ROBO1: variants seen among roughly 807,000 people sequenced by gnomAD.
The protein encoded by ROBO1 is roundabout homolog 1.
ROBO1 carries 149 observed loss-of-function variants against 195.9 expected under a neutral mutation model. That is an observed-to-expected ratio of 0.76 (90% CI 0.67 to 0.87). ROBO1 has a LOEUF of 0.87. ROBO1 is among the 40% of genes least tolerant of loss of function. The pLI is 0.00. For synonymous variants in ROBO1, 816 were observed against 733.2 expected (o/e 1.11, Z -1.82); for missense variants, 1,933 against 2,068.3 (o/e 0.93, Z 1.27).
rs890955881 is a variant in ROBO1, at chr3:78,810,381, CTGTA to C, written c.500-63485_500-63482del. On this transcript the variant is annotated intron_variant, in intron 4 of 30. Transcript: ENST00000464233. Reference sequence around the variant, plus strand: ...TTGGAATAGATACTGCACCAATTTGCTGTATGCATGGGAAAGTGAATGCCAGCAT... The same window carrying C: ...TTGGAATAGATACTGCACCAATTTGCTGCATGGGAAAGTGAATGCCAGCAT... Among the ~76,000 whole-genome samples the C allele has an allele frequency of 2.6e-4, 40 of 152,038 alleles. No individual in the cohort carries two copies. The Middle Eastern group carries it at 0.01, about 39-fold the overall frequency.
At chr3:79,611,085 C>G (rs928727565) in intron 1 of ROBO1, among the ~76,000 whole-genome samples, 1 of 151,952 alleles carries the variant, frequency 6.6e-6, no homozygotes, top group African/African-American at 2.4e-5. Context: ...GAGTCAAAGG[C>G]ACAAATTCTG....
chr3:79,359,933 T>C (rs528373008), intron 2 of ROBO1, among the ~76,000 whole-genome samples: 1 of 152,012 alleles, frequency 6.6e-6, no homozygotes, highest in African/African-American at 2.4e-5. Flanking sequence ...TTGGTGATAC[T>C]TGAACTAAAT....
intron 9 of ROBO1, among the ~76,000 whole-genome samples, chr3:78,686,206 C>G (rs572167023): frequency 6.6e-6 from 1 of 151,866 alleles, no homozygotes; most frequent in Non-Finnish European, 1.5e-5. Context: ...TTAAGTAACT[C>G]TCAAGATTGA....
At chr3:78,755,567 T>G (rs1199440495) in intron 4 of ROBO1, among the ~76,000 whole-genome samples, 3 of 152,194 alleles carry the variant, frequency 2.0e-5, no homozygotes, top group African/African-American at 7.2e-5. Context: ...TATACCATGA[T>G]TATGATACCA....
At chr3:78,663,768 C>G (rs1707572519) in intron 14 of ROBO1, among the ~76,000 whole-genome samples, 1 of 152,114 alleles carries the variant, frequency 6.6e-6, no homozygotes, top group Non-Finnish European at 1.5e-5. Flanking sequence ...AGCATAGTGC[C>G]ATATACATAG....
chr3:78,852,612 G>A (rs909824198), intron 4 of ROBO1, among the ~76,000 whole-genome samples: 2 of 152,090 alleles, frequency 1.3e-5, no homozygotes, highest in Non-Finnish European at 2.9e-5. Context: ...TGTTATTTTA[G>A]CAATGAGAAG....
chr3:79,671,718 A>G (rs1370282525), intron 1 of ROBO1, among the ~76,000 whole-genome samples: 1 of 151,896 alleles, frequency 6.6e-6, no homozygotes, highest in Non-Finnish European at 1.5e-5. Context: ...ACATATTGAA[A>G]TTTATTGTAT....
intron 3 of ROBO1, among the ~76,000 whole-genome samples, chr3:79,100,283 A>G (rs2079651460): frequency 6.6e-6 from 1 of 151,804 alleles, no homozygotes; most frequent in Non-Finnish European, 1.5e-5. Flanking sequence ...GGTAGTTTAC[A>G]TTTTGAGATA....
chr3:79,744,405 G>A (rs938619574), intron 1 of ROBO1, among the ~76,000 whole-genome samples: 1 of 152,128 alleles, frequency 6.6e-6, no homozygotes, highest in Non-Finnish European at 1.5e-5. Context: ...TGTCTCCTCA[G>A]AATTCATATG....
rs527685159 is a variant in ROBO1, at chr3:79,370,082, C to A, written c.88+219742G>T. On this transcript the variant is annotated intron_variant, in intron 2 of 30. Transcript: ENST00000464233. Reference sequence around the variant, plus strand: ...CCTGATGTTTAATAGTCTCTTTGGGCAGTGGCTCATGACTGTAATCCCAGC... The same window carrying A: ...CCTGATGTTTAATAGTCTCTTTGGGAAGTGGCTCATGACTGTAATCCCAGC... 2.5e-3 allele frequency among the ~76,000 whole-genome samples: 373 copies of A among 152,158 alleles called. 2 individuals are homozygous for A. The highest frequency in any genetic ancestry group is 7.6e-3 in the African/African-American group (317 of 41,510).
chr3:78,856,919 C>A (rs1224207045), intron 4 of ROBO1, among the ~76,000 whole-genome samples: 1 of 151,388 alleles, frequency 6.6e-6, no homozygotes, highest in Non-Finnish European at 1.5e-5. Context: ...ACAAGCACCT[C>A]CTAGGCCTAT....
chr3:79,628,016 A>C (rs552012927), intron 1 of ROBO1, among the ~76,000 whole-genome samples: 1 of 152,298 alleles, frequency 6.6e-6, no homozygotes, highest in South Asian at 2.1e-4. Flanking sequence ...AAAAGTAGGA[A>C]TGCTTTTACA....
intron 4 of ROBO1, among the ~76,000 whole-genome samples, chr3:78,915,527 C>T (rs1261694274): frequency 6.6e-6 from 1 of 152,082 alleles, no homozygotes; most frequent in Non-Finnish European, 1.5e-5. Context: ...GAATGATTAG[C>T]TTTTCCTCTT....
In ROBO1 at chr3:79,005,305, T is replaced by C. The variant is rs530209086; in HGVS notation, c.173-66378A>G. On this transcript the variant is annotated intron_variant, in intron 3 of 30. Transcript: ENST00000464233. ...AGCGTCTCATATGATTCCTGAGCTG[T>C]AGCTCTAGAATTTAGCATGAGGAGG... is the stretch of plus-strand genomic sequence containing the variant. 3.3e-5 allele frequency among the ~76,000 whole-genome samples: 5 copies of C among 152,300 alleles called. No individual in the cohort carries two copies. In the South Asian group the frequency reaches 6.2e-4, roughly 19 times the overall value.
chr3:79,010,065 G>A (rs933022005), intron 3 of ROBO1, among the ~76,000 whole-genome samples: 3 of 152,088 alleles, frequency 2.0e-5, no homozygotes, highest in African/African-American at 4.8e-5. Flanking sequence ...GGGTTATCAT[G>A]TGACAAAGAG....
intron 2 of ROBO1, among the ~76,000 whole-genome samples, chr3:79,154,525 C>T (rs1238732179): frequency 6.6e-6 from 1 of 151,640 alleles, no homozygotes; most frequent in East Asian, 1.9e-4. Flanking sequence ...TGGCATGAAA[C>T]AACTCACATT....
intron 21 of ROBO1, among the ~76,000 whole-genome samples, chr3:78,641,758 T>C (rs376624744): frequency 6.6e-6 from 1 of 152,098 alleles, no homozygotes; most frequent in Non-Finnish European, 1.5e-5. Flanking sequence ...TCAAAAGAAA[T>C]AGACAATATT....
At chr3:78,824,425 T>C (rs1357055155) in intron 4 of ROBO1, among the ~76,000 whole-genome samples, 1 of 152,218 alleles carries the variant, frequency 6.6e-6, no homozygotes, top group African/African-American at 2.4e-5. Flanking sequence ...ATTCATTGTT[T>C]GTGATTTTTG....
intron 3 of ROBO1, among the ~76,000 whole-genome samples, chr3:79,117,199 C>A (rs1352589548): frequency 6.6e-6 from 1 of 151,824 alleles, no homozygotes; most frequent in Non-Finnish European, 1.5e-5. Context: ...GAAACCCCAT[C>A]TCTACTAAAA....
Sources: allele counts gnomAD v4.1 joint callset (sites outside exome capture counted in the v4.1 genomes callset), GRCh38; gene constraint gnomAD v4.1.1; transcripts MANE v1.5; gene names NCBI Gene and HGNC (gene_info 2026-07-23, HGNC 2026-07-21).